The following CUX1 variants were observed in gnomAD, a reference collection of about 807,000 sequenced individuals.
CUX1 encodes protein CASP.
CUX1 carries 31 observed loss-of-function variants against 158.8 expected under a neutral mutation model. The ratio of observed to expected loss-of-function variants is 0.20; its 90% confidence interval spans 0.15 to 0.26. CUX1 has a LOEUF of 0.26. Among genes scored for constraint, CUX1 ranks in the 10% least tolerant of loss-of-function variants. The pLI, the probability that CUX1 is intolerant of heterozygous loss-of-function variation, is 1.00. For missense variants in CUX1, 1,589 were observed against 2,014.6 expected (o/e 0.79, Z 4.04); for synonymous variants, 879 against 862.1 (o/e 1.02, Z -0.34).
At chr7:101,941,341 A>C (rs1235031438) in intron 2 of CUX1, among the ~76,000 whole-genome samples, 1 of 152,166 alleles carries the variant, frequency 6.6e-6, no homozygotes, top group Non-Finnish European at 1.5e-5. Flanking sequence ...CTTGCACAGG[A>C]GTGGCTTTCA....
Position 102,254,375 on chromosome 7 carries a change from G to A in CUX1, c.*5333G>A, listed in dbSNP as rs901450780. 16 of 985,266 alleles carry A rather than the reference G, an allele frequency of 1.6e-5. No individual in the cohort carries two copies. Among genetic ancestry groups the A allele is most frequent in the East Asian group, 1.1e-4 (1 of 8,826 alleles). The allele number at this position is 985,266 out of a possible 1,614,324, so 61.0% of individuals were successfully genotyped here. A position where few individuals can be genotyped will look rare whatever the true frequency, so the allele number is the denominator to read the frequency against. On this transcript the variant is annotated 3_prime_UTR_variant, in exon 24 of 24. Coordinates refer to ENST00000292535, the MANE Select transcript of CUX1 (RefSeq NM_181552.4). Reference sequence around the variant, plus strand: ...TCTGGCATGGTTTTAGCGTCACTGCGAACACTCCTTTGCAAACATCAAACA... The same window carrying A: ...TCTGGCATGGTTTTAGCGTCACTGCAAACACTCCTTTGCAAACATCAAACA...
chr7:101,862,937 A>G (rs1797610704), intron 1 of CUX1, among the ~76,000 whole-genome samples: 1 of 152,008 alleles, frequency 6.6e-6, no homozygotes, highest in South Asian at 2.1e-4. Flanking sequence ...TTTCAAATAT[A>G]TACCCAAACA....
chr7:101,833,415 C>G (rs970249612), intron 1 of CUX1, among the ~76,000 whole-genome samples: 5 of 150,168 alleles, frequency 3.3e-5, no homozygotes, highest in Non-Finnish European at 7.4e-5. Flanking sequence ...ATTAGCTGAG[C>G]GTGATGGTGC....
intron 1 of CUX1, among the ~76,000 whole-genome samples, chr7:101,911,435 G>T (rs1803450362): frequency 6.6e-6 from 1 of 152,160 alleles, no homozygotes; most frequent in African/African-American, 2.4e-5. Flanking sequence ...CTTGGCCTTG[G>T]TCCTGCAGTA....
At chr7:101,819,906 C>T (rs1341396823) in intron 1 of CUX1, among the ~76,000 whole-genome samples, 1 of 152,134 alleles carries the variant, frequency 6.6e-6, no homozygotes, top group Non-Finnish European at 1.5e-5. Context: ...CTGAAAGGGC[C>T]AAATAGTCCA....
At chr7:101,953,103 G>A (rs76335318) in intron 2 of CUX1, among the ~76,000 whole-genome samples, 4 of 152,160 alleles carry the variant, frequency 2.6e-5, no homozygotes, top group Admixed American at 6.5e-5. Flanking sequence ...GAGTCAGCCC[G>A]CTGGGGTTCC....
At chr7:101,961,875 CAA>C (rs11409394) in intron 2 of CUX1, 13 of 111,632 alleles carry the variant, frequency 1.2e-4, no homozygotes, top group Admixed American at 6.0e-4. Context: ...GACTCCATCT[CAA>C]AAAAAAAAAA....
At chr7:101,981,114 A>G (rs1324084759) in intron 2 of CUX1, among the ~76,000 whole-genome samples, 1 of 151,982 alleles carries the variant, frequency 6.6e-6, no homozygotes, top group Non-Finnish European at 1.5e-5. Context: ...CTCTTTTGGC[A>G]TAGCTCCTGA....
chr7:102,166,281 A>G (rs986488297), intron 9 of CUX1, among the ~76,000 whole-genome samples: 1 of 152,168 alleles, frequency 6.6e-6, no homozygotes, highest in Non-Finnish European at 1.5e-5. Flanking sequence ...TTCTCAGCAA[A>G]TGACAGAGAA....
chr7:102,183,605 C>T (rs1793345920), intron 11 of CUX1, among the ~76,000 whole-genome samples: 1 of 152,158 alleles, frequency 6.6e-6, no homozygotes, highest in South Asian at 2.1e-4. Flanking sequence ...GAGGTGCATG[C>T]TGCCCAGGCC....
At chr7:101,944,568 T>A (rs1441521781) in intron 2 of CUX1, among the ~76,000 whole-genome samples, 1 of 152,196 alleles carries the variant, frequency 6.6e-6, no homozygotes, top group Admixed American at 6.5e-5. Flanking sequence ...GAAGTGGGGA[T>A]CTGCCTAAGG....
At chr7:101,924,256 A>T (rs1805318424) in intron 2 of CUX1, among the ~76,000 whole-genome samples, 1 of 152,050 alleles carries the variant, frequency 6.6e-6, no homozygotes, top group Admixed American at 6.6e-5. Flanking sequence ...GAGGGAGTGG[A>T]GGGTAGTAAT....
intron 1 of CUX1, among the ~76,000 whole-genome samples, chr7:101,860,641 C>T (rs1189467195): frequency 3.3e-5 from 5 of 152,124 alleles, no homozygotes; most frequent in African/African-American, 4.8e-5. Context: ...GAGGATTGTA[C>T]TAGTCTGTCT....
intron 2 of CUX1, among the ~76,000 whole-genome samples, chr7:101,972,304 T>C (rs1812055288): frequency 6.6e-6 from 1 of 152,204 alleles, no homozygotes; most frequent in African/African-American, 2.4e-5. Flanking sequence ...ACAGAGTAAA[T>C]GTAGCTTGTA....
At chr7:101,842,912 G>A (rs867303142) in intron 1 of CUX1, among the ~76,000 whole-genome samples, 5 of 123,674 alleles carry the variant, frequency 4.0e-5, no homozygotes, top group South Asian at 2.5e-4. Flanking sequence ...TCTCTCTGTC[G>A]CCCAGGCTGG....
At chr7:102,184,695 G>A (rs1246631312) in intron 11 of CUX1, among the ~76,000 whole-genome samples, 1 of 152,028 alleles carries the variant, frequency 6.6e-6, no homozygotes, top group African/African-American at 2.4e-5. Flanking sequence ...GCCCCAGGAT[G>A]GAGTACAGTG....
chr7:102,083,260 G>A (rs1409261109), intron 4 of CUX1, among the ~76,000 whole-genome samples: 1 of 146,978 alleles, frequency 6.8e-6, no homozygotes, highest in Non-Finnish European at 1.5e-5. Flanking sequence ...ATTTTTTCAT[G>A]TGCATTTTTG....
intron 1 of CUX1, among the ~76,000 whole-genome samples, chr7:101,900,450 G>A (rs1275751135): frequency 6.6e-6 from 1 of 151,376 alleles, no homozygotes; most frequent in Non-Finnish European, 1.5e-5. Flanking sequence ...AACCTCACTC[G>A]CTGAATGCGG....
At chr7:102,162,152 T>C (rs1166558691) in intron 9 of CUX1, among the ~76,000 whole-genome samples, 1 of 151,948 alleles carries the variant, frequency 6.6e-6, no homozygotes, top group Non-Finnish European at 1.5e-5. Flanking sequence ...ATGGGGGCAT[T>C]TGTGGGTTCT....
Sources: allele counts gnomAD v4.1 joint callset (sites outside exome capture counted in the v4.1 genomes callset), GRCh38; gene constraint gnomAD v4.1.1; transcripts MANE v1.5; gene names NCBI Gene and HGNC (gene_info 2026-07-23, HGNC 2026-07-21).